The following SLC16A10 variants were observed in gnomAD, a reference collection of about 807,000 sequenced individuals.
SLC16A10 encodes monocarboxylate transporter 10.
SLC16A10 carries 27 observed loss-of-function variants against 40.0 expected under a neutral mutation model. The observed-to-expected ratio is 0.67, with a 90% confidence interval of 0.50 to 0.93. SLC16A10 has a LOEUF of 0.93. Among genes scored for constraint, SLC16A10 ranks in the 40% least tolerant of loss-of-function variants. The pLI, the probability that SLC16A10 is intolerant of heterozygous loss-of-function variation, is 0.00. For missense variants in SLC16A10, 529 were observed against 658.2 expected (o/e 0.80, Z 2.15); for synonymous variants, 213 against 249.8 (o/e 0.85, Z 1.39).
At chr6:111,156,798 A>G (rs760809114) in intron 1 of SLC16A10, among the ~76,000 whole-genome samples, 51 of 152,396 alleles carry the variant, frequency 3.3e-4, no homozygotes, top group Non-Finnish European at 5.4e-4. Context: ...ATTGTGACAA[A>G]TGTAACATAC....
At chr6:111,088,329 G>T (rs1164267941) in intron 1 of SLC16A10, among the ~76,000 whole-genome samples, 1 of 152,214 alleles carries the variant, frequency 6.6e-6, no homozygotes, top group Non-Finnish European at 1.5e-5. Flanking sequence ...CAAGCAGGTC[G>T]CAGAACTTAC....
intron 2 of SLC16A10, among the ~76,000 whole-genome samples, chr6:111,174,043 C>G (rs1772634326): frequency 6.6e-6 from 1 of 152,162 alleles, no homozygotes; most frequent in Non-Finnish European, 1.5e-5. Context: ...CATGGAACAT[C>G]TCTCCCTGCA....
At chr6:111,175,251 A>G (rs1025743192) in intron 2 of SLC16A10, among the ~76,000 whole-genome samples, 14 of 152,216 alleles carry the variant, frequency 9.2e-5, no homozygotes, top group African/African-American at 3.4e-4. Context: ...TTGGCTGCCA[A>G]ACGTCACAAA....
At chr6:111,156,787 A>T (rs992743268) in intron 1 of SLC16A10, among the ~76,000 whole-genome samples, 9 of 152,268 alleles carry the variant, frequency 5.9e-5, no homozygotes, top group African/African-American at 2.2e-4. Flanking sequence ...GTAGTTCATT[A>T]ATTGTGACAA....
At chr6:111,153,745 C>T (rs935445299) in intron 1 of SLC16A10, among the ~76,000 whole-genome samples, 3 of 152,088 alleles carry the variant, frequency 2.0e-5, no homozygotes, top group South Asian at 4.1e-4. Flanking sequence ...TGAATGAAAC[C>T]GTATATATAA....
In SLC16A10 at chr6:111,100,967, T is replaced by G. The variant is rs1413370287; in HGVS notation, c.343+12872T>G. On this transcript the variant is annotated intron_variant, in intron 1 of 5. Coordinates refer to ENST00000368851, the MANE Select transcript of SLC16A10 (RefSeq NM_018593.5). ...CTCTCGCTCTTTCTCTCCCTCTCTC[T>G]CTCTCTCTCTCTCTCTCTCTCTCTC... Among the ~76,000 whole-genome samples the G allele has an allele frequency of 2.7e-5, 3 of 111,280 alleles. No homozygotes were observed. The East Asian group carries it at 7.5e-4, about 28-fold the overall frequency. The allele number at this position is 111,280 out of a possible 152,430, so 73.0% of individuals were successfully genotyped here. A position where few individuals can be genotyped will look rare whatever the true frequency, so the allele number is the denominator to read the frequency against.
At chr6:111,202,514 A>G (rs1203403596) in intron 3 of SLC16A10, among the ~76,000 whole-genome samples, 2 of 152,014 alleles carry the variant, frequency 1.3e-5, no homozygotes, top group African/African-American at 2.4e-5. Flanking sequence ...TCAGTGTTGA[A>G]GATGTCAATT....
At chr6:111,123,757 G>A (rs1771623426) in intron 1 of SLC16A10, among the ~76,000 whole-genome samples, 1 of 152,126 alleles carries the variant, frequency 6.6e-6, no homozygotes, top group Non-Finnish European at 1.5e-5. Context: ...TTTGTCTTCC[G>A]TAATAGTAAC....
rs1225807494 is a variant in SLC16A10, at chr6:111,224,498, A to G, written c.*2263A>G. On this transcript the variant is annotated 3_prime_UTR_variant, in exon 6 of 6. Coordinates refer to ENST00000368851, the MANE Select transcript of SLC16A10 (RefSeq NM_018593.5). Reference sequence around the variant, plus strand: ...AAGTATATATAACTTAGATCTCAGCATATGTGTTTGTATATTAAACTTCAC... The same window carrying G: ...AAGTATATATAACTTAGATCTCAGCGTATGTGTTTGTATATTAAACTTCAC... 6.6e-6 allele frequency: 1 copy of G among 152,190 alleles called. No homozygotes were observed. Among genetic ancestry groups the G allele is most frequent in the South Asian group, 2.1e-4 (1 of 4,832 alleles). 9.4% of individuals were successfully genotyped at this position (152,190 alleles called of 1,614,324 possible).
At chr6:111,097,014 G>A (rs1771086443) in intron 1 of SLC16A10, among the ~76,000 whole-genome samples, 1 of 151,836 alleles carries the variant, frequency 6.6e-6, no homozygotes, top group South Asian at 2.1e-4. Flanking sequence ...GTGGGGGAGG[G>A]TCTCTCTATA....
intron 1 of SLC16A10, among the ~76,000 whole-genome samples, chr6:111,163,146 A>ATTTTTT (rs34027805): frequency 2.3e-5 from 2 of 85,312 alleles, no homozygotes; most frequent in African/African-American, 4.6e-5. Context: ...CAACATAATA[A>ATTTTTT]TTTTTTTTTT....
At chr6:111,165,888 A>T (rs201692172) in intron 1 of SLC16A10, among the ~76,000 whole-genome samples, 2 of 152,228 alleles carry the variant, frequency 1.3e-5, no homozygotes, top group East Asian at 1.9e-4. Context: ...GGCAGAGACC[A>T]AAAGAAAGTC....
chr6:111,172,850 G>T lies in SLC16A10; in HGVS notation c.488+11G>T. On this transcript the variant is annotated intron_variant, in intron 2 of 5. Transcript: ENST00000368851. The stretch of plus-strand genomic sequence containing the variant: ...CAGTTCTTTTGTAAGGTAAGGACTT[G>T]GTTTTTTCATGTTGCTTTTTAAAAA... 1 of 1,609,180 alleles carries T rather than the reference G, an allele frequency of 6.2e-7. No individual in the cohort carries two copies. The highest frequency in any genetic ancestry group is 1.7e-5 in the Admixed American group (1 of 59,394).
intron 1 of SLC16A10, among the ~76,000 whole-genome samples, chr6:111,132,086 C>G (rs113919051): frequency 0.012 from 1,830 of 152,196 alleles, 24 homozygotes; most frequent in African/African-American, 0.042. Context: ...TCCCTGGTGT[C>G]CCTCCCAATT....
At chr6:111,174,551 G>A (rs1282816310) in intron 2 of SLC16A10, among the ~76,000 whole-genome samples, 3 of 151,886 alleles carry the variant, frequency 2.0e-5, no homozygotes, top group Non-Finnish European at 1.5e-5. Flanking sequence ...GTTTTTTAAA[G>A]AAAAAAGTTT....
intron 1 of SLC16A10, among the ~76,000 whole-genome samples, chr6:111,120,786 C>T (rs530925110): frequency 5.7e-4 from 86 of 152,094 alleles, no homozygotes; most frequent in African/African-American, 1.9e-3. Flanking sequence ...AGGGTTGTCT[C>T]GATGTCCCAA....
At chr6:111,166,450 A>T (rs757408852) in intron 1 of SLC16A10, among the ~76,000 whole-genome samples, 28 of 152,202 alleles carry the variant, frequency 1.8e-4, no homozygotes, top group Non-Finnish European at 3.8e-4. Flanking sequence ...TGCCACAAAC[A>T]GAAGTTGATT....
chr6:111,196,028 G>A (rs1008030026), intron 3 of SLC16A10, among the ~76,000 whole-genome samples: 1 of 149,814 alleles, frequency 6.7e-6, no homozygotes, highest in African/African-American at 2.5e-5. Flanking sequence ...ACACTGGCCT[G>A]GGCAGCATAG....
chr6:111,222,599 A>G lies in SLC16A10; in HGVS notation c.*364A>G. On this transcript the variant is annotated 3_prime_UTR_variant, in exon 6 of 6. Transcript: ENST00000368851. ...GGGTTGCAGTTTGGTTAGGAGTGGA[A>G]ATATTTTGTTTGTTAATGATGTCTT... The G allele has an allele frequency of 5.1e-6, 1 of 197,916 alleles. No homozygotes were observed. Among genetic ancestry groups the G allele is most frequent in the Non-Finnish European group, 1.0e-5 (1 of 99,954 alleles). The allele number at this position is 197,916 out of a possible 1,614,324, so 12.3% of individuals were successfully genotyped here.
Sources: gnomAD v4.1 joint callset for allele counts (sites outside exome capture counted in the v4.1 genomes callset) on GRCh38, gnomAD v4.1.1 for gene constraint, MANE v1.5 for transcripts, NCBI Gene and HGNC (gene_info 2026-07-23, HGNC 2026-07-21) for gene names.